The following STARD13 variants were observed in gnomAD, a reference collection of about 807,000 sequenced individuals.
STARD13 encodes stAR-related lipid transfer protein 13.
A neutral mutation model predicts 106.4 loss-of-function variants in STARD13; 62 were observed. That is an observed-to-expected ratio of 0.58 (90% CI 0.48 to 0.72). The LOEUF is 0.72. STARD13 is among the 30% of genes least tolerant of loss of function. STARD13 has a pLI of 0.00. For missense variants in STARD13, 1,387 were observed against 1,424.0 expected (o/e 0.97, Z 0.42); for synonymous variants, 565 against 553.0 (o/e 1.02, Z -0.31).
At chr13:33,554,038 C>G in the STARD13 span, among the ~76,000 whole-genome samples, 1 of 152,182 alleles carries the variant, frequency 6.6e-6, no homozygotes, top group African/African-American at 2.4e-5. Flanking sequence ...AAATGCCTCT[C>G]CCTTCCATGA....
chr13:33,110,703 C>G lies in STARD13; in HGVS notation c.2812G>C (p.Asp938His). Residue 938 changes from aspartate to histidine, a missense_variant, in exon 11 of 14, where the codon GAT becomes CAT. Transcript: ENST00000336934. ...WVTCSSTDNT[D>H]LAFKKVGDGN... ...GAGATTACCTTTTTGAAAGCAAGAT[C>G]TGTATTGTCCGTGCTGGAGCACGTG... 6.2e-7 allele frequency: 1 copy of G among 1,614,130 alleles called. No homozygotes were observed. The highest frequency in any genetic ancestry group is 8.5e-7 in the Non-Finnish European group (1 of 1,179,932).
intron 3 of STARD13, among the ~76,000 whole-genome samples, chr13:33,161,045 C>T (rs1290798287): frequency 2.6e-5 from 4 of 152,164 alleles, no homozygotes; most frequent in African/African-American, 4.8e-5. Context: ...GATAAACAAC[C>T]GTAGGACATC....
At chr13:33,112,633 A>T (rs754679664) in intron 9 of STARD13, 88 bp downstream of exon 9, 4 of 1,063,912 alleles carry the variant, frequency 3.8e-6, no homozygotes, top group Non-Finnish European at 5.5e-6. Flanking sequence ...ATTCGTATCT[A>T]TCTATCCATC....
chr13:33,479,903 C>T, the STARD13 span, among the ~76,000 whole-genome samples: 1 of 152,142 alleles, frequency 6.6e-6, no homozygotes, highest in South Asian at 2.1e-4. Context: ...TGAAGTCTCC[C>T]CAGAAGCCAA....
chr13:33,511,046 A>G, the STARD13 span, among the ~76,000 whole-genome samples: 1 of 152,126 alleles, frequency 6.6e-6, no homozygotes, highest in African/African-American at 2.4e-5. Flanking sequence ...GCAGTGGCTC[A>G]TGCCTGTAAT....
downstream of STARD13, among the ~76,000 whole-genome samples, chr13:33,346,396 T>A (rs1001311246): frequency 1.3e-5 from 2 of 152,198 alleles, no homozygotes; most frequent in African/African-American, 4.8e-5. Flanking sequence ...ATCCCCTCCT[T>A]CCTAAATATG....
In STARD13 at chr13:33,222,064, G is replaced by A. The variant is rs151265118; in HGVS notation, c.170-54442C>T. Among the ~76,000 whole-genome samples, 971 of 152,082 alleles carry A rather than the reference G, an allele frequency of 6.4e-3. 13 individuals carry two copies. The highest frequency in any genetic ancestry group is 0.022 in the African/African-American group (920 of 41,476). ...CTCAGGAGGCTGAGACAGGAGAACT[G>A]CTTGAACCCGGGAGGTAGAGGTTGC... On this transcript the variant is annotated intron_variant, in intron 1 of 13. Coordinates refer to ENST00000336934, the MANE Select transcript of STARD13 (RefSeq NM_178006.4).
At chr13:33,173,659 A>C (rs2138406726) in intron 1 of STARD13, among the ~76,000 whole-genome samples, 1 of 152,320 alleles carries the variant, frequency 6.6e-6, no homozygotes, top group South Asian at 2.1e-4. Flanking sequence ...ATGATTTTCT[A>C]AGTTACTAAG....
intron 1 of STARD13, among the ~76,000 whole-genome samples, chr13:33,169,834 A>G (rs1037629354): frequency 1.3e-5 from 2 of 152,192 alleles, no homozygotes; most frequent in East Asian, 3.9e-4. Context: ...GTGAGCTCAG[A>G]TCCTGAAGAT....
the STARD13 span, among the ~76,000 whole-genome samples, chr13:33,464,353 T>A: frequency 6.6e-6 from 1 of 152,192 alleles, no homozygotes; most frequent in Non-Finnish European, 1.5e-5. Context: ...AACAAAATAT[T>A]CTCACTTATA....
intron 1 of STARD13, among the ~76,000 whole-genome samples, chr13:33,342,331 G>A (rs1025069997): frequency 1.3e-5 from 2 of 152,108 alleles, no homozygotes; most frequent in African/African-American, 2.4e-5. Flanking sequence ...CCCATTATAC[G>A]TAGGCCCAAC....
chr13:33,123,512 A>G (rs1482912245), intron 7 of STARD13, among the ~76,000 whole-genome samples: 1 of 152,160 alleles, frequency 6.6e-6, no homozygotes, highest in Non-Finnish European at 1.5e-5. Flanking sequence ...GTGACTTCAT[A>G]TTCATCAGGA....
intron 1 of STARD13, chr13:33,278,650 T>A (rs893653053): frequency 6.6e-6 from 1 of 152,074 alleles, no homozygotes; most frequent in Admixed American, 6.6e-5. Flanking sequence ...AAAGAGCAAG[T>A]CCCAGGAAAA....
At chr13:33,557,825 G>A in the STARD13 span, among the ~76,000 whole-genome samples, 1 of 152,170 alleles carries the variant, frequency 6.6e-6, no homozygotes, top group Admixed American at 6.6e-5. Flanking sequence ...AGGCAGGAAG[G>A]TATACCTATA....
chr13:33,165,511 T>C, intron 2 of STARD13, 93 bp from the exon 3 acceptor site: 1 of 927,728 alleles, frequency 1.1e-6, no homozygotes, highest in South Asian at 1.4e-5. Context: ...AAGCCACTGA[T>C]TTTAATAGCA....
At chr13:33,572,386 A>G in the STARD13 span, among the ~76,000 whole-genome samples, 32 of 152,272 alleles carry the variant, frequency 2.1e-4, no homozygotes, top group Admixed American at 2.1e-3. Flanking sequence ...GATGTAACCA[A>G]TCCAGCTGTT....
chr13:33,673,568 G>A, the STARD13 span, among the ~76,000 whole-genome samples: 1 of 101,966 alleles, frequency 9.8e-6, no homozygotes, highest in Non-Finnish European at 1.7e-5. Context: ...TTTTGAGACA[G>A]AGTCTCACTC....
chr13:33,200,815 AT>A (rs779945503), intron 1 of STARD13, among the ~76,000 whole-genome samples: 11 of 151,930 alleles, frequency 7.2e-5, no homozygotes, highest in Non-Finnish European at 1.2e-4. Flanking sequence ...AGGTCAGGAG[AT>A]TGAGACCATC....
chr13:33,148,927 G>T (rs771351260), intron 3 of STARD13, among the ~76,000 whole-genome samples: 17 of 152,174 alleles, frequency 1.1e-4, no homozygotes, highest in Non-Finnish European at 2.1e-4. Context: ...AGAAACTTAA[G>T]TGCATGTTAC....
Sources: allele counts gnomAD v4.1 joint callset (sites outside exome capture counted in the v4.1 genomes callset), GRCh38; gene constraint gnomAD v4.1.1; transcripts MANE v1.5; gene names NCBI Gene and HGNC (gene_info 2026-07-23, HGNC 2026-07-21).